The following PPARA variants were observed in gnomAD, a reference collection of about 807,000 sequenced individuals.
PPARA encodes the protein peroxisome proliferator-activated receptor alpha.
In PPARA, 22 loss-of-function variants were observed where a neutral mutation model predicts 42.2. The ratio of observed to expected loss-of-function variants is 0.52; its 90% CI spans 0.37 to 0.74. The LOEUF is 0.74. Among genes scored for constraint, PPARA ranks in the 30% least tolerant of loss-of-function variants. PPARA has a pLI of 0.00. For missense variants in PPARA, 465 were observed against 608.2 expected, an observed-to-expected ratio of 0.76 and a Z score of 2.48; for synonymous variants, 242 against 239.3, an observed-to-expected ratio of 1.01 and a Z score of -0.10.
At position 46,160,564 on chromosome 22, in the gene PPARA, G is replaced by A. The variant is rs1926011031; in HGVS notation, c.-127+8594G>A. On this transcript the variant is annotated intron_variant, in intron 2 of 8. Coordinates refer to ENST00000407236, the MANE Select transcript of PPARA (RefSeq NM_005036.6). This position sits in a 1 kb window ranked among gnomAD's most constrained non-coding sequence, Gnocchi z 4.5. ...GCCCTCTGCAGCCTCCCAAAGTGCT[G>A]GGATTACAGGCGTGAGCCACCGCAC... Among the ~76,000 whole-genome samples the A allele has an allele frequency of 6.6e-6, 1 of 152,024 alleles. No individual in the cohort carries two copies. Among genetic ancestry groups the A allele is most frequent in the African/African-American group, 2.4e-5 (1 of 41,376 alleles).
At chr22:46,218,440 C>T (rs761433706) in intron 6 of PPARA, 39 bp downstream of exon 6, 1 of 1,613,094 alleles carries the variant, frequency 6.2e-7, no homozygotes, top group African/African-American at 1.3e-5. Context: ...CAGTTCGTTC[C>T]TCAGTTCCCC....
intron 4 of PPARA, among the ~76,000 whole-genome samples, chr22:46,201,245 T>A (rs1932822621): frequency 1.3e-5 from 2 of 152,058 alleles, no homozygotes; most frequent in African/African-American, 4.8e-5. Flanking sequence ...CATGCTGGCA[T>A]GATCGCGCCT....
At chr22:46,226,577 T>C (rs1197454672) in intron 7 of PPARA, among the ~76,000 whole-genome samples, 2 of 152,200 alleles carry the variant, frequency 1.3e-5, no homozygotes, top group East Asian at 3.8e-4. Flanking sequence ...TTTTACCCTC[T>C]GAGAATAGAA....
chr22:46,215,160 TC>T lies in PPARA; in HGVS notation c.209-12del. Reference sequence around the variant, plus strand: ...GCCTGGACTATTCATCCGTCTCTCCTCTTTTTCCCCAGACACGCTTTCACCA... The same window carrying T: ...GCCTGGACTATTCATCCGTCTCTCCTTTTTTCCCCAGACACGCTTTCACCA... On this transcript the variant is annotated splice_polypyrimidine_tract_variant and intron_variant, in intron 4 of 8. Coordinates refer to ENST00000407236, the MANE Select transcript of PPARA (RefSeq NM_005036.6). The T allele has an allele frequency of 6.2e-7, 1 of 1,613,392 alleles. No homozygotes were observed. Among genetic ancestry groups the T allele is most frequent in the Non-Finnish European group, 8.5e-7 (1 of 1,179,806 alleles).
At chr22:46,197,984 C>T (rs1227033970) in intron 3 of PPARA, among the ~76,000 whole-genome samples, 1 of 151,686 alleles carries the variant, frequency 6.6e-6, no homozygotes, top group East Asian at 1.9e-4. Flanking sequence ...GTAATCGCAG[C>T]ACTTTGCGAG....
chr22:46,222,678 A>G lies in PPARA; in HGVS notation c.711+2664A>G, dbSNP rs1935096797. 6.6e-6 allele frequency among the ~76,000 whole-genome samples: 1 copy of G among 152,188 alleles called. No homozygotes were observed. The highest frequency in any genetic ancestry group is 1.9e-4 in the East Asian group (1 of 5,200). On this transcript the variant is annotated intron_variant, in intron 7 of 8. Coordinates refer to ENST00000407236, the MANE Select transcript of PPARA (RefSeq NM_005036.6). This position sits in a 1 kb window ranked among gnomAD's most constrained non-coding sequence, Gnocchi z 5.9. ...ATGATTAGTACAGCCCAAAATTGGG[A>G]TGGCTAAAACTTTTGTTTGCCAGCT...
chr22:46,242,746 C>G lies in PPARA; in HGVS notation c.*7366C>G, dbSNP rs1253910368. On this transcript the variant is annotated 3_prime_UTR_variant, in exon 9 of 9. Coordinates refer to ENST00000407236, the MANE Select transcript of PPARA (RefSeq NM_005036.6). This position sits in a 1 kb window ranked among gnomAD's most constrained non-coding sequence, Gnocchi z 6.1. ...ACGTGTGCGTGCACACACACACACACACACACACACACACAGCTCTTCATT... is the reference window on the plus strand; with the variant it reads ...ACGTGTGCGTGCACACACACACACAGACACACACACACACAGCTCTTCATT... 6.6e-6 allele frequency: 1 copy of G among 152,308 alleles called. No individual in the cohort carries two copies. Among genetic ancestry groups the G allele is most frequent in the South Asian group, 2.1e-4 (1 of 4,826 alleles). The allele number at this position is 152,308 out of a possible 1,614,324, so 9.4% of individuals were successfully genotyped here.
At chr22:46,213,084 G>A (rs1471992600) in intron 4 of PPARA, among the ~76,000 whole-genome samples, 1 of 152,220 alleles carries the variant, frequency 6.6e-6, no homozygotes, top group African/African-American at 2.4e-5. Context: ...CTAAGAGTGT[G>A]ATTCCATCAT....
At chr22:46,213,576 T>C (rs1323856995) in intron 4 of PPARA, among the ~76,000 whole-genome samples, 1 of 150,724 alleles carries the variant, frequency 6.6e-6, no homozygotes, top group African/African-American at 2.5e-5. Context: ...GCAAGCTAAC[T>C]TTTTCTTTTT....
chr22:46,203,835 A>AC lies in PPARA; in HGVS notation c.208+5247dup, dbSNP rs1932985083. The stretch of plus-strand genomic sequence containing the variant: ...CTTGCGGGCCTGTCCAGACAAGGGA[A>AC]CCCTGGGCAGGTTCCCTCATCTACA... On this transcript the variant is annotated intron_variant, in intron 4 of 8. Coordinates refer to ENST00000407236, the MANE Select transcript of PPARA (RefSeq NM_005036.6). The surrounding 1 kb of genome is among the most constrained non-coding windows in gnomAD (Gnocchi z 5.8). Among the ~76,000 whole-genome samples the AC allele has an allele frequency of 6.6e-6, 1 of 150,848 alleles. No individual in the cohort carries two copies. The highest frequency in any genetic ancestry group is 6.6e-5 in the Admixed American group (1 of 15,194).
At chr22:46,185,914 AAAATATATATATATATATATATATAT>A (rs1352513227) in intron 3 of PPARA, among the ~76,000 whole-genome samples, 1 of 49,558 alleles carries the variant, frequency 2.0e-5, no homozygotes, top group Non-Finnish European at 3.3e-5. Context: ...AAAAAAAAAA[AAAATATATATATATATATATATATAT>A]ATATATATAT....
At chr22:46,202,997 A>G (rs1932920923) in intron 4 of PPARA, among the ~76,000 whole-genome samples, 5 of 152,156 alleles carry the variant, frequency 3.3e-5, no homozygotes, top group African/African-American at 1.2e-4. Flanking sequence ...ACCACACTGA[A>G]GCGTCCTGGT....
rs1936272212 is a variant in PPARA, at chr22:46,238,138, G to GAAGTCTTC, written c.*2759_*2760insAGTCTTCA. ...CTTAAGGCCCAGCAAGACTTCCAGGGACATCTCTGGTGAAGCCAGAATGGA... is the reference window on the plus strand; with the variant it reads ...CTTAAGGCCCAGCAAGACTTCCAGGGAAGTCTTCACATCTCTGGTGAAGCCAGAATGGA... On this transcript the variant is annotated 3_prime_UTR_variant, in exon 9 of 9. Transcript: ENST00000407236. This position sits in a 1 kb window ranked among gnomAD's most constrained non-coding sequence, Gnocchi z 8.3. 1 of 152,242 alleles carries GAAGTCTTC rather than the reference G, an allele frequency of 6.6e-6. No individual in the cohort carries two copies. The highest frequency in any genetic ancestry group is 1.5e-5 in the Non-Finnish European group (1 of 68,044). 9.4% of individuals were successfully genotyped at this position (152,242 alleles called of 1,614,324 possible).
chr22:46,162,062 G>C lies in PPARA; in HGVS notation c.-127+10092G>C, dbSNP rs1569184986. On this transcript the variant is annotated intron_variant, in intron 2 of 8. Transcript: ENST00000407236. This position sits in a 1 kb window ranked among gnomAD's most constrained non-coding sequence, Gnocchi z 6.0. The stretch of plus-strand genomic sequence containing the variant: ...AGTTGCCAGCCTCCTGCTAGGGCTG[G>C]GTGGGGGACATCAAAGGCAGGACAA... Among the ~76,000 whole-genome samples, 1 of 152,164 alleles carries C rather than the reference G, an allele frequency of 6.6e-6. No homozygotes were observed. Among genetic ancestry groups the C allele is most frequent in the Non-Finnish European group, 1.5e-5 (1 of 68,032 alleles).
rs1047145565 is a variant in PPARA at position 46,203,492 on chromosome 22, G to A, written c.208+4901G>A. 2.0e-5 allele frequency among the ~76,000 whole-genome samples: 3 copies of A among 152,156 alleles called. No individual in the cohort carries two copies. Among genetic ancestry groups the A allele is most frequent in the Non-Finnish European group, 4.4e-5 (3 of 68,038 alleles). ...TGGGTGTACACACACACGCATCTGT[G>A]AAACCATCATCACACTCAAAATAGT... On this transcript the variant is annotated intron_variant, in intron 4 of 8. Transcript: ENST00000407236. The surrounding 1 kb of genome is among the most constrained non-coding windows in gnomAD (Gnocchi z 5.8).
chr22:46,164,042 C>G (rs1569186820), intron 2 of PPARA: 1 of 151,918 alleles, frequency 6.6e-6, no homozygotes, highest in Non-Finnish European at 1.5e-5. Context: ...ATGGTGAAAC[C>G]TTGTCTCTAC....
At chr22:46,155,496 G>C (rs1272018673) in intron 2 of PPARA, 3 of 152,186 alleles carry the variant, frequency 2.0e-5, no homozygotes, top group African/African-American at 7.2e-5. Context: ...TGTATTTTTA[G>C]TAGAGACGGG....
chr22:46,235,387 T>C lies in PPARA; in HGVS notation c.*7T>C. ...CTACAGGGACATGTACTGAGTTCCT[T>C]CAGATCAGCCACACCTTTTCCAGGA... On this transcript the variant is annotated 3_prime_UTR_variant, in exon 9 of 9. Coordinates refer to ENST00000407236, the MANE Select transcript of PPARA (RefSeq NM_005036.6). This position sits in a 1 kb window ranked among gnomAD's most constrained non-coding sequence, Gnocchi z 7.0. 1.2e-6 allele frequency: 2 copies of C among 1,613,180 alleles called. No homozygotes were observed. Among genetic ancestry groups the C allele is most frequent in the Non-Finnish European group, 1.7e-6 (2 of 1,179,806 alleles).
intron 4 of PPARA, among the ~76,000 whole-genome samples, chr22:46,208,153 G>A (rs559802054): frequency 6.6e-6 from 1 of 151,904 alleles, no homozygotes; most frequent in East Asian, 1.9e-4. Context: ...ATTTTTATGG[G>A]GCACAATGTG....
Sources: allele counts gnomAD v4.1 joint callset (sites outside exome capture counted in the v4.1 genomes callset), GRCh38; gene constraint gnomAD v4.1.1; non-coding constraint Gnocchi (gnomAD v3.1); transcripts MANE v1.5; gene names NCBI Gene and HGNC (gene_info 2026-07-23, HGNC 2026-07-21).